STXBP5: variants seen among roughly 807,000 people sequenced by gnomAD.
The protein encoded by STXBP5 is syntaxin-binding protein 5.
In STXBP5, 50 loss-of-function variants were observed where a neutral mutation model predicts 152.4. That is an observed-to-expected ratio of 0.33 (90% CI 0.26 to 0.42). The LOEUF is 0.42. STXBP5 is among the 10% of genes least tolerant of loss of function. STXBP5 has a pLI of 1.00. For synonymous variants in STXBP5, 492 were observed against 494.7 expected (o/e 0.99, Z 0.07); for missense variants, 1,167 against 1,388.6 (o/e 0.84, Z 2.54).
Position 147,315,531 on chromosome 6 carries a change from A to T in STXBP5, c.1419A>T (p.Leu473Phe). ...TTTTTCCAGTAACTCTACAAGTATTATATAAGCTAAAGACATCTAAAGTAT... is the reference window on the plus strand; with the variant it reads ...TTTTTCCAGTAACTCTACAAGTATTTTATAAGCTAAAGACATCTAAAGTAT... The part of the protein sequence containing the change: ...WDASAITLQV[L>F]YKLKTSKVFE... Residue 473 changes from leucine to phenylalanine, a missense_variant, in exon 15 of 28, where the codon TTA becomes TTT. By Grantham distance (22) the Leu-to-Phe change is conservative. Transcript: ENST00000321680. 1 of 1,607,692 alleles carries T rather than the reference A, an allele frequency of 6.2e-7. No homozygotes were observed. Among genetic ancestry groups the T allele is most frequent in the Non-Finnish European group, 8.5e-7 (1 of 1,174,764 alleles).
intron 19 of STXBP5, among the ~76,000 whole-genome samples, chr6:147,338,205 A>G (rs2128396458): frequency 6.6e-6 from 1 of 152,256 alleles, no homozygotes; most frequent in African/African-American, 2.4e-5. Flanking sequence ...AAGGGATACA[A>G]AAATGAATCA....
intron 25 of STXBP5, among the ~76,000 whole-genome samples, chr6:147,365,831 A>G (rs1350059944): frequency 6.6e-6 from 1 of 152,214 alleles, no homozygotes; most frequent in African/African-American, 2.4e-5. Context: ...ACTTTAGCCC[A>G]AAATAAAGAA....
intron 22 of STXBP5, among the ~76,000 whole-genome samples, chr6:147,353,745 A>G (rs1443331144): frequency 1.3e-5 from 2 of 152,140 alleles, no homozygotes; most frequent in Non-Finnish European, 2.9e-5. Context: ...TACTAATGAA[A>G]TACTTAAAAT....
chr6:147,352,332 G>C (rs1227467351), intron 21 of STXBP5, among the ~76,000 whole-genome samples: 1 of 152,184 alleles, frequency 6.6e-6, no homozygotes, highest in East Asian at 1.9e-4. Flanking sequence ...CTATAAGCTA[G>C]AAATTAAAAA....
intron 7 of STXBP5, among the ~76,000 whole-genome samples, chr6:147,276,405 T>C (rs1418671530): frequency 6.6e-6 from 1 of 152,106 alleles, no homozygotes; most frequent in African/African-American, 2.4e-5. Context: ...GTTTTTGGAA[T>C]GCCTAATAAT....
At chr6:147,270,716 G>A (rs1321738586) in intron 7 of STXBP5, among the ~76,000 whole-genome samples, 1 of 151,816 alleles carries the variant, frequency 6.6e-6, no homozygotes, top group Non-Finnish European at 1.5e-5. Flanking sequence ...GCAAATATGT[G>A]GTAGATATAA....
intron 2 of STXBP5, among the ~76,000 whole-genome samples, chr6:147,231,401 C>T (rs529183847): frequency 6.6e-6 from 1 of 151,826 alleles, no homozygotes; most frequent in African/African-American, 2.4e-5. Flanking sequence ...TGACATGTAT[C>T]ATGGGTCAGA....
At chr6:147,315,866 T>C (rs1185104512) in intron 15 of STXBP5, 131 bp downstream of exon 15, 2 of 733,760 alleles carry the variant, frequency 2.7e-6, no homozygotes, top group South Asian at 2.0e-5. Flanking sequence ...ATTTATATTA[T>C]TATCTCTCTT....
At chr6:147,245,149 C>T (rs2119490) in intron 4 of STXBP5, among the ~76,000 whole-genome samples, 48,701 of 151,354 alleles carry the variant, frequency 0.32, 9,193 homozygotes, top group East Asian at 0.43. Flanking sequence ...CCACCAAGCC[C>T]GGCTAATTTT....
chr6:147,223,673 G>A lies in STXBP5; in HGVS notation c.249-11577G>A, dbSNP rs118146306. ...AAATGTACAAACAATGCCCAAACATGCTTGGATTTCTTCTTTAGAGCTTCT... is the reference window on the plus strand; with the variant it reads ...AAATGTACAAACAATGCCCAAACATACTTGGATTTCTTCTTTAGAGCTTCT... On this transcript the variant is annotated intron_variant, in intron 2 of 27. Coordinates refer to ENST00000321680, the MANE Select transcript of STXBP5 (RefSeq NM_001127715.4). 3.2e-4 allele frequency among the ~76,000 whole-genome samples: 49 copies of A among 152,270 alleles called. No homozygotes were observed. In the East Asian group the frequency reaches 8.9e-3, roughly 28 times the overall value.
At chr6:147,373,659 A>G in intron 25 of STXBP5, 72 bp from the exon 26 acceptor site, 3 of 1,058,686 alleles carry the variant, frequency 2.8e-6, no homozygotes, top group Non-Finnish European at 4.4e-6. Flanking sequence ...AGGAGTTTAC[A>G]GTGATACTTT....
intron 4 of STXBP5, among the ~76,000 whole-genome samples, chr6:147,241,167 A>G (rs574940828): frequency 6.6e-6 from 1 of 152,312 alleles, no homozygotes; most frequent in South Asian, 2.1e-4. Flanking sequence ...ACTACAGAGA[A>G]TTTCCATATA....
At chr6:147,287,317 C>T (rs1233521529) in intron 8 of STXBP5, among the ~76,000 whole-genome samples, 1 of 148,032 alleles carries the variant, frequency 6.8e-6, no homozygotes, top group Non-Finnish European at 1.5e-5. Context: ...ATTCTCCTGC[C>T]TCAGCCTCCC....
At chr6:147,308,454 C>T (rs1250031845) in intron 9 of STXBP5, among the ~76,000 whole-genome samples, 1 of 152,164 alleles carries the variant, frequency 6.6e-6, no homozygotes, top group Non-Finnish European at 1.5e-5. Flanking sequence ...CATTTCTACT[C>T]ATTCATTCCT....
chr6:147,271,711 C>T (rs555397193), intron 7 of STXBP5, among the ~76,000 whole-genome samples: 2 of 152,072 alleles, frequency 1.3e-5, no homozygotes, highest in South Asian at 4.2e-4. Flanking sequence ...TCAGCTTTCA[C>T]CACAAGAAAC....
intron 4 of STXBP5, among the ~76,000 whole-genome samples, chr6:147,248,423 T>C (rs944243706): frequency 3.3e-5 from 5 of 152,188 alleles, no homozygotes; most frequent in African/African-American, 4.8e-5. Flanking sequence ...TAGAGGTTTA[T>C]ATGAAAACAT....
chr6:147,249,701 G>C (rs1034951648), intron 4 of STXBP5, among the ~76,000 whole-genome samples: 1 of 116,802 alleles, frequency 8.6e-6, no homozygotes, highest in Non-Finnish European at 1.8e-5. Context: ...CTGTGATGCA[G>C]CTGGCAAAAG....
chr6:147,242,324 T>C (rs1242278866), intron 4 of STXBP5, among the ~76,000 whole-genome samples: 1 of 152,080 alleles, frequency 6.6e-6, no homozygotes, highest in African/African-American at 2.4e-5. Flanking sequence ...GTGAAAACAT[T>C]TAAAATGTTT....
intron 9 of STXBP5, among the ~76,000 whole-genome samples, chr6:147,302,536 G>A (rs966619636): frequency 1.3e-5 from 2 of 152,036 alleles, no homozygotes; most frequent in Non-Finnish European, 2.9e-5. Flanking sequence ...GAAAAACAAG[G>A]CCAGGCATGG....
Sources: gnomAD v4.1 joint callset for allele counts (sites outside exome capture counted in the v4.1 genomes callset) on GRCh38, gnomAD v4.1.1 for gene constraint, MANE v1.5 for transcripts, NCBI Gene and HGNC (gene_info 2026-07-23, HGNC 2026-07-21) for gene names.